The following BACH2 variants were observed in gnomAD, a reference collection of about 807,000 sequenced individuals.
The protein encoded by BACH2 is BACH transcriptional regulator 2.
Under a neutral mutation model 61.8 loss-of-function variants are expected in BACH2, and 5 were observed. That is an observed-to-expected ratio of 0.08 (90% CI 0.04 to 0.17). The LOEUF (loss-of-function observed/expected upper bound fraction) is 0.17. Among genes scored for constraint, BACH2 ranks in the 10% least tolerant of loss-of-function variants. BACH2 has a pLI of 1.00. For missense variants in BACH2, 824 were observed against 1,091.1 expected (o/e 0.76, Z 3.45); for synonymous variants, 446 against 440.1 (o/e 1.01, Z -0.17).
intron 3 of BACH2, among the ~76,000 whole-genome samples, chr6:90,244,053 C>G (rs1770548389): frequency 6.6e-6 from 1 of 152,168 alleles, no homozygotes; most frequent in Non-Finnish European, 1.5e-5. Flanking sequence ...TCCTGAGTAG[C>G]TGGGATAACA....
chr6:90,166,603 C>T (rs1017388831), intron 4 of BACH2, among the ~76,000 whole-genome samples: 6 of 152,148 alleles, frequency 3.9e-5, no homozygotes, highest in African/African-American at 1.4e-4. Context: ...GACACATGCA[C>T]ACGTATGTTT....
intron 4 of BACH2, among the ~76,000 whole-genome samples, chr6:90,164,658 T>G (rs1006068279): frequency 6.6e-6 from 1 of 152,014 alleles, no homozygotes; most frequent in African/African-American, 2.4e-5. Flanking sequence ...GATGCAAAAA[T>G]CCTCAATAAA....
At chr6:90,190,958 T>A (rs371651409) in intron 4 of BACH2, among the ~76,000 whole-genome samples, 1 of 152,168 alleles carries the variant, frequency 6.6e-6, no homozygotes, top group Admixed American at 6.5e-5. Context: ...ATGATGCAGA[T>A]AGCAACTCTG....
At chr6:90,290,449 C>G (rs1480213906) in intron 1 of BACH2, among the ~76,000 whole-genome samples, 1 of 152,138 alleles carries the variant, frequency 6.6e-6, no homozygotes, top group African/African-American at 2.4e-5. Flanking sequence ...AAGAGATACT[C>G]AGTATATATT....
chr6:89,943,042 C>A lies in BACH2; in HGVS notation c.1837-4692G>T, dbSNP rs141493702. ...GCCTAGGCTGGTCTCAAACTCCTGG[C>A]CTCAAGCTATCTTCCTTCCTTGGCC... On this transcript the variant is annotated intron_variant, in intron 7 of 8. Coordinates refer to ENST00000257749, the MANE Select transcript of BACH2 (RefSeq NM_021813.4). Among the ~76,000 whole-genome samples, 235 of 152,216 alleles carry A rather than the reference C, an allele frequency of 1.5e-3. 3 individuals are homozygous for A. The highest frequency in any genetic ancestry group is 5.4e-3 in the African/African-American group (225 of 41,536).
chr6:90,189,042 A>G (rs1206426550), intron 4 of BACH2, among the ~76,000 whole-genome samples: 1 of 152,218 alleles, frequency 6.6e-6, no homozygotes, highest in African/African-American at 2.4e-5. Context: ...ATTTAAACAG[A>G]AACAGAGAGA....
intron 8 of BACH2, among the ~76,000 whole-genome samples, chr6:89,933,198 G>A (rs978143531): frequency 6.6e-6 from 1 of 152,064 alleles, no homozygotes; most frequent in African/African-American, 2.4e-5. Context: ...TGGTTTCCTG[G>A]AATTTGGGGT....
At position 90,223,184 on chromosome 6, in the gene BACH2, C is replaced by T. The variant is rs145981339; in HGVS notation, c.-274-16503G>A. On this transcript the variant is annotated intron_variant, in intron 3 of 8. Transcript: ENST00000257749. ...GGGTGCTATTTTCACTTGGTGGCAC[C>T]GAGCATTTACTTCCAACACTTAATA... Among the ~76,000 whole-genome samples, 341 of 152,266 alleles carry T rather than the reference C, an allele frequency of 2.2e-3. 2 individuals carry two copies. Among genetic ancestry groups the T allele is most frequent in the African/African-American group, 7.6e-3 (316 of 41,560 alleles).
intron 4 of BACH2, among the ~76,000 whole-genome samples, chr6:90,127,329 G>GT (rs1317740178): frequency 1.3e-5 from 2 of 152,170 alleles, no homozygotes; most frequent in Non-Finnish European, 2.9e-5. Context: ...CCTTTTTGAG[G>GT]TGAAGCAAGG....
At chr6:90,197,397 T>G in intron 4 of BACH2, among the ~76,000 whole-genome samples, 1 of 152,334 alleles carries the variant, frequency 6.6e-6, no homozygotes, top group South Asian at 2.1e-4. Flanking sequence ...ATTCTAGAGA[T>G]GGACAAACCA....
intron 1 of BACH2, among the ~76,000 whole-genome samples, chr6:90,289,495 C>T (rs923385991): frequency 1.3e-5 from 2 of 152,118 alleles, no homozygotes; most frequent in Non-Finnish European, 2.9e-5. Flanking sequence ...TAAATAGATG[C>T]TGTCAAAATT....
At chr6:90,094,922 T>C (rs771995551) in intron 4 of BACH2, among the ~76,000 whole-genome samples, 9 of 152,178 alleles carry the variant, frequency 5.9e-5, no homozygotes, top group Non-Finnish European at 1.2e-4. Context: ...TTTAATACAA[T>C]GGTTAGAAAA....
chr6:90,052,419 T>C (rs1780091553), intron 5 of BACH2, among the ~76,000 whole-genome samples: 1 of 152,126 alleles, frequency 6.6e-6, no homozygotes, highest in Non-Finnish European at 1.5e-5. Flanking sequence ...TTTATCTATC[T>C]ATCTATCTAT....
chr6:90,184,387 AGGTAAGAGCT>A (rs1768275871), intron 4 of BACH2, among the ~76,000 whole-genome samples: 1 of 152,206 alleles, frequency 6.6e-6, no homozygotes, highest in African/African-American at 2.4e-5. Context: ...GGAGAAAAAA[AGGTAAGAGCT>A]GGCAGAGGTA....
chr6:90,202,818 C>T (rs1416809644), intron 4 of BACH2, among the ~76,000 whole-genome samples: 3 of 152,130 alleles, frequency 2.0e-5, no homozygotes, highest in Non-Finnish European at 4.4e-5. Flanking sequence ...AGAAGAACAA[C>T]ACTTTTCTTG....
At chr6:90,238,279 T>C (rs2655387) in intron 3 of BACH2, among the ~76,000 whole-genome samples, 115,371 of 152,124 alleles carry the variant, frequency 0.76, 45,050 homozygotes, top group African/African-American at 0.94. Flanking sequence ...CTGAAACTCT[T>C]AGAGAAAAAT....
intron 4 of BACH2, among the ~76,000 whole-genome samples, chr6:90,173,053 G>A (rs941576125): frequency 3.3e-5 from 5 of 151,552 alleles, no homozygotes; most frequent in Non-Finnish European, 7.4e-5. Context: ...TAGGGTAAGC[G>A]TGGAAAAAAG....
chr6:90,277,902 T>A (rs1771744508), intron 1 of BACH2, among the ~76,000 whole-genome samples: 1 of 152,202 alleles, frequency 6.6e-6, no homozygotes. Context: ...CTGCCTGAAA[T>A]ACTAATAATG....
Position 90,103,029 on chromosome 6 carries a change from A to ATTT in BACH2, c.-161-13923_-161-13921dup, listed in dbSNP as rs371386234. Among the ~76,000 whole-genome samples the ATTT allele has an allele frequency of 7.7e-3, 162 of 21,138 alleles. 6 individuals carry two copies. The highest frequency in any genetic ancestry group is 0.011 in the East Asian group (15 of 1,356). The allele number at this position is 21,138 out of a possible 152,430, so 13.9% of individuals were successfully genotyped here. ...TACATATATATATATATATATATAT[A>ATTT]TTTTTTTTTTTTTTTTTTTTTTACC... is the stretch of plus-strand genomic sequence containing the variant. On this transcript the variant is annotated intron_variant, in intron 4 of 8. Transcript: ENST00000257749.
Sources: gnomAD v4.1 joint callset for allele counts (sites outside exome capture counted in the v4.1 genomes callset) on GRCh38, gnomAD v4.1.1 for gene constraint, MANE v1.5 for transcripts, NCBI Gene and HGNC (gene_info 2026-07-23, HGNC 2026-07-21) for gene names.